Variants in C12orf54 observed in about 807,000 individuals in gnomAD.
C12orf54 encodes uncharacterized protein C12orf54.
Under a neutral mutation model 26.4 loss-of-function variants are expected in C12orf54, and 24 were observed. The ratio of observed to expected loss-of-function variants is 0.91; its 90% CI spans 0.66 to 1.28. The LOEUF (loss-of-function observed/expected upper bound fraction) is 1.28. Among genes scored for constraint, C12orf54 ranks in the 50% most tolerant of loss-of-function variants. The probability of loss-of-function intolerance (pLI) is 0.00; values close to 1 mark genes in which losing one functional copy is unlikely to be tolerated. For synonymous variants in C12orf54, 54 were observed against 47.0 expected (o/e 1.15, Z -0.61); for missense variants, 154 against 150.9 (o/e 1.02, Z -0.11).
the C12orf54 span, among the ~76,000 whole-genome samples, chr12:48,462,451 G>A: frequency 1.3e-5 from 2 of 151,358 alleles, no homozygotes; most frequent in Admixed American, 1.3e-4. Flanking sequence ...AAAAACCAGA[G>A]AGCAATATCA....
rs141336898 is a variant in C12orf54, at chr12:48,494,849, G to C, written c.294G>C (p.Gln98His). The stretch of plus-strand genomic sequence containing the variant: ...TGACCCCAAAGTTGAGAAGATTGCA[G>C]TTCAGCTCTGGAGAGCAGCCATCAG... Reference protein sequence around the residue: ...SLMTPKLRRLQFSSGEQPSGG... With the variant: ...SLMTPKLRRLHFSSGEQPSGG... The change falls in exon 8 of 9, where the codon CAG becomes CAC. Residue 98 changes from glutamine to histidine, a missense_variant. Coordinates refer to ENST00000548364, the MANE Select transcript of C12orf54 (RefSeq NM_152319.4). 20 of 1,613,608 alleles carry C rather than the reference G, an allele frequency of 1.2e-5. No individual in the cohort carries two copies. The African/African-American group carries it at 2.4e-4, about 19-fold the overall frequency.
chr12:48,474,080 G>T, the C12orf54 span, among the ~76,000 whole-genome samples: 1 of 152,106 alleles, frequency 6.6e-6, no homozygotes, highest in Non-Finnish European at 1.5e-5. Context: ...CAAGGAAAAT[G>T]GATTTGGTAA....
intron 6 of C12orf54, 116 bp downstream of exon 6, chr12:48,490,952 G>A: frequency 7.8e-7 from 1 of 1,286,276 alleles, no homozygotes; most frequent in South Asian, 1.2e-5. Flanking sequence ...AGTGAGATAT[G>A]GAGTTCATCC....
the C12orf54 span, among the ~76,000 whole-genome samples, chr12:48,416,779 T>G: frequency 6.6e-6 from 1 of 152,024 alleles, no homozygotes; most frequent in Non-Finnish European, 1.5e-5. Flanking sequence ...GGATAATCAC[T>G]TGAACCCAGG....
the C12orf54 span, among the ~76,000 whole-genome samples, chr12:48,449,286 A>T: frequency 6.6e-6 from 1 of 152,224 alleles, no homozygotes; most frequent in Non-Finnish European, 1.5e-5. Context: ...GTTAATAGAG[A>T]TTCTTTACAG....
the C12orf54 span, among the ~76,000 whole-genome samples, chr12:48,449,403 T>C: frequency 2.2e-4 from 33 of 152,320 alleles, no homozygotes; most frequent in African/African-American, 7.7e-4. Flanking sequence ...TGTCACATAA[T>C]ATTACTCCAG....
chr12:48,467,320 A>C, the C12orf54 span, among the ~76,000 whole-genome samples: 1 of 152,176 alleles, frequency 6.6e-6, no homozygotes, highest in Non-Finnish European at 1.5e-5. Context: ...CCCTGTCGAC[A>C]CCTTGATTTC....
the C12orf54 span, among the ~76,000 whole-genome samples, chr12:48,463,905 A>G: frequency 0.14 from 22,020 of 152,046 alleles, 2,809 homozygotes; most frequent in East Asian, 0.66. Flanking sequence ...AAAACTCTCA[A>G]CAAACTAGGT....
chr12:48,473,681 T>A, the C12orf54 span: 1 of 240,362 alleles, frequency 4.2e-6, no homozygotes, highest in South Asian at 5.7e-5. Flanking sequence ...ATGCAATAGT[T>A]AAGTACACAC....
chr12:48,477,495 T>C, the C12orf54 span, among the ~76,000 whole-genome samples: 1 of 151,902 alleles, frequency 6.6e-6, no homozygotes, highest in East Asian at 1.9e-4. Context: ...TTGATAGACC[T>C]CTAGCAAGAC....
At chr12:48,437,938 A>G in the C12orf54 span, among the ~76,000 whole-genome samples, 2 of 152,334 alleles carry the variant, frequency 1.3e-5, no homozygotes, top group East Asian at 1.9e-4. Flanking sequence ...AAGGGCATTC[A>G]GTTAGGAAAA....
the C12orf54 span, among the ~76,000 whole-genome samples, chr12:48,445,813 A>C: frequency 6.6e-6 from 1 of 152,216 alleles, no homozygotes; most frequent in African/African-American, 2.4e-5. Flanking sequence ...TTCACTCCCA[A>C]TCCAAGTGTT....
the C12orf54 span, among the ~76,000 whole-genome samples, chr12:48,447,888 AT>A: frequency 2.0e-5 from 3 of 152,224 alleles, no homozygotes; most frequent in Non-Finnish European, 4.4e-5. Flanking sequence ...TGTGATAGAA[AT>A]GGAAGTCAAA....
chr12:48,475,000 T>G, the C12orf54 span, among the ~76,000 whole-genome samples: 2 of 152,054 alleles, frequency 1.3e-5, no homozygotes, highest in African/African-American at 4.8e-5. Flanking sequence ...CACCCCCCAG[T>G]AGGGGCAGAC....
the C12orf54 span, among the ~76,000 whole-genome samples, chr12:48,418,249 G>A: frequency 2.6e-5 from 4 of 152,324 alleles, no homozygotes; most frequent in African/African-American, 9.6e-5. Flanking sequence ...AGGAATTGTA[G>A]TGTCTGGAAG....
chr12:48,447,080 C>A, the C12orf54 span, among the ~76,000 whole-genome samples: 1 of 152,140 alleles, frequency 6.6e-6, no homozygotes, highest in Non-Finnish European at 1.5e-5. Flanking sequence ...AGAATTCTAA[C>A]AGGGAGTTAT....
chr12:48,486,054 C>G, intron 2 of C12orf54, 124 bp from the exon 3 acceptor site: 4 of 935,282 alleles, frequency 4.3e-6, no homozygotes, highest in Non-Finnish European at 6.7e-6. Flanking sequence ...CGTGGCTACC[C>G]TTCCTGGATT....
chr12:48,460,868 C>A, the C12orf54 span, among the ~76,000 whole-genome samples: 92 of 151,924 alleles, frequency 6.1e-4, no homozygotes, highest in East Asian at 0.017. Context: ...AAAACAGGAA[C>A]AAGGGAACAA....
the C12orf54 span, among the ~76,000 whole-genome samples, chr12:48,443,228 G>A: frequency 1.3e-5 from 2 of 152,052 alleles, no homozygotes; most frequent in African/African-American, 2.4e-5. Context: ...TATTATTAAG[G>A]CTACTAGAGA....
Sources: gnomAD v4.1 joint callset for allele counts (sites outside exome capture counted in the v4.1 genomes callset) on GRCh38, gnomAD v4.1.1 for gene constraint, MANE v1.5 for transcripts, NCBI Gene and HGNC (gene_info 2026-07-23, HGNC 2026-07-21) for gene names.